The following CHODL variants were observed in gnomAD, a reference collection of about 807,000 sequenced individuals.
CHODL encodes chondrolectin, also known as transmembrane protein MT75.
In CHODL, 29 loss-of-function variants were observed where a neutral mutation model predicts 34.5. The observed-to-expected ratio is 0.84, with a 90% CI of 0.63 to 1.15. The LOEUF is 1.15. CHODL is among the 50% of genes most tolerant of loss of function. CHODL has a pLI of 0.00. For missense variants in CHODL, 332 were observed against 332.5 expected (o/e 1.00, Z 0.01); for synonymous variants, 125 against 116.1 (o/e 1.08, Z -0.49).
chr21:18,009,715 C>T (rs919721947), intron 1 of CHODL, among the ~76,000 whole-genome samples: 8 of 151,638 alleles, frequency 5.3e-5, no homozygotes, highest in Non-Finnish European at 7.4e-5. Context: ...GGTGAAACCC[C>T]GTCTCTAATA....
At chr21:18,087,236 G>T (rs539745538) in intron 2 of CHODL, among the ~76,000 whole-genome samples, 45 of 152,232 alleles carry the variant, frequency 3.0e-4, no homozygotes, top group African/African-American at 1.1e-3. Flanking sequence ...AAGCAGTGTG[G>T]TCTGCTCAAA....
rs369200704 is a variant in CHODL at position 18,035,605 on chromosome 21, G to C, written c.-45+7634G>C. On this transcript the variant is annotated intron_variant, in intron 2 of 6. Transcript: ENST00000400127. ...CATATATACTAGTCTACTTGAAGTT[G>C]TCCCACAGTTTGTTAATGTTGTATT... Among the ~76,000 whole-genome samples the C allele has an allele frequency of 3.9e-5, 6 of 151,976 alleles. 1 individual carries two copies. Among genetic ancestry groups the C allele is most frequent in the Admixed American group, 1.3e-4 (2 of 15,220 alleles).
At chr21:18,069,984 T>TTTCCCTTCCCTTCCCTTCCCCTCCC (rs2064777683) in intron 2 of CHODL, among the ~76,000 whole-genome samples, 1 of 44,052 alleles carries the variant, frequency 2.3e-5, no homozygotes, top group African/African-American at 7.1e-5. Flanking sequence ...CCTCCTTTTC[T>TTTCCCTTCCCTTCCCTTCCCCTCCC]TTCCCTTCCC....
chr21:18,101,800 G>A (rs2065218091), intron 2 of CHODL, among the ~76,000 whole-genome samples: 1 of 151,152 alleles, frequency 6.6e-6, no homozygotes, highest in Non-Finnish European at 1.5e-5. Context: ...TGAAATTACT[G>A]TGTGACACTC....
At chr21:18,200,038 G>GA (rs1318364436) in intron 2 of CHODL, among the ~76,000 whole-genome samples, 1 of 152,114 alleles carries the variant, frequency 6.6e-6, no homozygotes, top group African/African-American at 2.4e-5. Context: ...TCAAACTCTT[G>GA]AAAAGTGGCT....
intron 3 of CHODL, among the ~76,000 whole-genome samples, chr21:18,259,616 GTTATTA>G (rs907535095): frequency 2.0e-5 from 3 of 152,086 alleles, no homozygotes; most frequent in African/African-American, 4.8e-5. Context: ...TTAATTTAGT[GTTATTA>G]TTATTATTTT....
rs2065006113 is a variant in CHODL at position 18,086,231 on chromosome 21, G to A, written c.-45+58260G>A. ...TTTTCCTAAAGTTATCTATCTTCTTGGTAAATTTCTTACTTATATTCTGAA... is the reference window on the plus strand; with the variant it reads ...TTTTCCTAAAGTTATCTATCTTCTTAGTAAATTTCTTACTTATATTCTGAA... On this transcript the variant is annotated intron_variant, in intron 2 of 6. Transcript: ENST00000400127. Among the ~76,000 whole-genome samples the A allele has an allele frequency of 2.0e-5, 3 of 150,916 alleles. No homozygotes were observed. In the South Asian group the frequency reaches 6.3e-4, roughly 32 times the overall value.
chr21:18,249,305 G>GATAT (rs2146792542), intron 1 of CHODL, among the ~76,000 whole-genome samples: 1 of 150,756 alleles, frequency 6.6e-6, no homozygotes, highest in African/African-American at 2.4e-5. Flanking sequence ...TATTCCTCAT[G>GATAT]ATATAACACA....
At chr21:17,934,043 AG>A (rs1165915255) in intron 1 of CHODL, among the ~76,000 whole-genome samples, 4 of 144,650 alleles carry the variant, frequency 2.8e-5, no homozygotes, top group African/African-American at 8.7e-5. Context: ...GTCTCAAAAA[AG>A]AAAAAAAAAA....
Position 18,266,217 on chromosome 21 carries a change from G to A in CHODL, c.*179G>A. 6.6e-7 allele frequency: 1 copy of A among 1,526,026 alleles called. No homozygotes were observed. The highest frequency in any genetic ancestry group is 8.8e-7 in the Non-Finnish European group (1 of 1,135,830). The allele number at this position is 1,526,026 out of a possible 1,614,324, so 94.5% of individuals were successfully genotyped here. A position where few individuals can be genotyped will look rare whatever the true frequency, so the allele number is the denominator to read the frequency against. On this transcript the variant is annotated 3_prime_UTR_variant, in exon 6 of 6. Transcript: ENST00000299295. ...GTCTATTATTTCATTTAAAGAATAT[G>A]CTGTGCTAATAATGGAGTGAGACAT...
intron 2 of CHODL, among the ~76,000 whole-genome samples, chr21:18,100,301 G>T (rs1056372757): frequency 5.4e-5 from 8 of 147,566 alleles, no homozygotes; most frequent in African/African-American, 2.0e-4. Context: ...AAGGTGGAAG[G>T]CAAACAGAAG....
intron 1 of CHODL, among the ~76,000 whole-genome samples, chr21:17,988,898 C>T (rs977598581): frequency 6.6e-6 from 1 of 151,968 alleles, no homozygotes. Context: ...ATTTATAATC[C>T]TTTGGGTATA....
At chr21:18,199,367 CAGAG>C (rs906649827) in intron 2 of CHODL, among the ~76,000 whole-genome samples, 5 of 152,084 alleles carry the variant, frequency 3.3e-5, no homozygotes, top group Admixed American at 2.0e-4. Flanking sequence ...GCAGATAGCA[CAGAG>C]AGAGTTTCCT....
chr21:18,089,615 A>G (rs2065047790), intron 2 of CHODL, among the ~76,000 whole-genome samples: 1 of 152,218 alleles, frequency 6.6e-6, no homozygotes, highest in Admixed American at 6.5e-5. Flanking sequence ...GAATTATATT[A>G]TCTCTATTAC....
At chr21:18,205,769 C>A (rs1012666366) in intron 2 of CHODL, among the ~76,000 whole-genome samples, 1 of 140,354 alleles carries the variant, frequency 7.1e-6, no homozygotes, top group African/African-American at 2.7e-5. Flanking sequence ...TAGAGTCTCA[C>A]TCTGTTGCCC....
chr21:18,221,458 A>G (rs1210471298), intron 2 of CHODL, among the ~76,000 whole-genome samples: 1 of 151,950 alleles, frequency 6.6e-6, no homozygotes, highest in Non-Finnish European at 1.5e-5. Context: ...TTAATTTTTA[A>G]TGTTTCTTAC....
intron 1 of CHODL, among the ~76,000 whole-genome samples, chr21:17,923,874 A>G (rs561782797): frequency 6.6e-6 from 1 of 152,246 alleles, no homozygotes; most frequent in Non-Finnish European, 1.5e-5. Context: ...AAAGATGGCA[A>G]CACAAAGATA....
intron 2 of CHODL, among the ~76,000 whole-genome samples, chr21:18,126,683 G>A (rs1419668062): frequency 1.3e-5 from 2 of 151,652 alleles, no homozygotes; most frequent in Non-Finnish European, 2.9e-5. Context: ...TCGTATGACA[G>A]CAGAAAACTC....
chr21:18,173,040 A>G (rs1034274355), intron 2 of CHODL, among the ~76,000 whole-genome samples: 1 of 152,212 alleles, frequency 6.6e-6, no homozygotes, highest in Non-Finnish European at 1.5e-5. Flanking sequence ...TAGGCAGTTA[A>G]GAACATGGCT....
Sources: gnomAD v4.1 joint callset for allele counts (sites outside exome capture counted in the v4.1 genomes callset) on GRCh38, gnomAD v4.1.1 for gene constraint, MANE v1.5 for transcripts, NCBI Gene and HGNC (gene_info 2026-07-23, HGNC 2026-07-21) for gene names.